Variants in PARP8 observed in about 807,000 individuals in gnomAD.
PARP8 encodes poly(ADP-ribose) polymerase family member 8.
In PARP8, 51 loss-of-function variants were observed where a neutral mutation model predicts 124.1. That is an observed-to-expected ratio of 0.41 (90% CI 0.33 to 0.52). The LOEUF is 0.52. PARP8 is among the 20% of genes least tolerant of loss of function. The pLI, the probability that PARP8 is intolerant of heterozygous loss-of-function variation, is 0.21. For synonymous variants in PARP8, 391 were observed against 361.5 expected (o/e 1.08, Z -0.93); for missense variants, 860 against 1,018.9 (o/e 0.84, Z 2.12).
chr5:50,734,413 G>C (rs1757283132), intron 2 of PARP8, among the ~76,000 whole-genome samples: 2 of 152,096 alleles, frequency 1.3e-5, no homozygotes, highest in South Asian at 2.1e-4. Flanking sequence ...GGCTGTCTCT[G>C]GAGAACTAAA....
chr5:50,741,767 G>A (rs553808680), intron 2 of PARP8: 3 of 416,156 alleles, frequency 7.2e-6, no homozygotes, highest in Non-Finnish European at 1.4e-5. Context: ...AGGGTAATAC[G>A]TAATTTATTT....
chr5:50,759,162 G>T (rs1218912088), intron 3 of PARP8, among the ~76,000 whole-genome samples: 1 of 151,950 alleles, frequency 6.6e-6, no homozygotes, highest in Admixed American at 6.6e-5. Flanking sequence ...CGAGTGACCC[G>T]CCTGCCTAGG....
Position 50,750,091 on chromosome 5 carries a change from T to TA in PARP8, c.147-59dup, listed in dbSNP as rs1759061449. On this transcript the variant is annotated intron_variant, in intron 2 of 25. Coordinates refer to ENST00000281631, the MANE Select transcript of PARP8 (RefSeq NM_024615.4). ...ACATGGGTTTGGTTTGTCTTTTTTT[T>TA]ATAAAAGCCTGTCTACCTTAGCAAT... is the stretch of plus-strand genomic sequence containing the variant. The TA allele has an allele frequency of 6.0e-6, 8 of 1,338,804 alleles. No homozygotes were observed. In the South Asian group the frequency reaches 6.1e-5, roughly 10 times the overall value. The allele number at this position is 1,338,804 out of a possible 1,614,324, so 82.9% of individuals were successfully genotyped here. A position where few individuals can be genotyped will look rare whatever the true frequency, so the allele number is the denominator to read the frequency against.
At chr5:50,667,726 C>G in intron 1 of PARP8, 1 of 701,590 alleles carries the variant, frequency 1.4e-6, no homozygotes, top group Non-Finnish European at 2.6e-6. Flanking sequence ...CCAAGGCACC[C>G]AGCGCCCCTG....
At chr5:50,701,859 A>G (rs1188353756) in intron 2 of PARP8, among the ~76,000 whole-genome samples, 1 of 152,152 alleles carries the variant, frequency 6.6e-6, no homozygotes, top group Non-Finnish European at 1.5e-5. Flanking sequence ...TTTCTTATTT[A>G]GAACCTAAGA....
chr5:50,699,258 C>T (rs112044113), intron 2 of PARP8, among the ~76,000 whole-genome samples: 4 of 152,238 alleles, frequency 2.6e-5, no homozygotes, highest in African/African-American at 9.6e-5. Flanking sequence ...AGAAGGGCCT[C>T]CAGCACTGGA....
intron 2 of PARP8, chr5:50,744,750 C>G: frequency 1.4e-6 from 1 of 701,640 alleles, no homozygotes; most frequent in Non-Finnish European, 2.6e-6. Context: ...TCAGAGCTTG[C>G]TCCAGGGATG....
chr5:50,794,211 A>T lies in PARP8; in HGVS notation c.742A>T (p.Met248Leu). The T allele has an allele frequency of 6.2e-7, 1 of 1,611,452 alleles. No individual in the cohort carries two copies. Among genetic ancestry groups the T allele is most frequent in the Non-Finnish European group, 8.5e-7 (1 of 1,178,552 alleles). Residue 248 changes from methionine (M) to leucine (L), a missense_variant, in exon 11 of 26, where the codon ATG becomes TTG. By Grantham distance (15) the Met-to-Leu change is conservative (BLOSUM62 2). Transcript: ENST00000281631. The part of the protein sequence containing the change: ...FGLGHQLKKI[M>L]QTFVTQQWKQ... ...GAATTACCTTTGGATTGACAGAATC[A>T]TGCAGACATTTGTTACACAGCAGTG...
At chr5:50,759,591 A>G (rs1658600364) in intron 3 of PARP8, 52 bp from the exon 4 acceptor site, 3 of 1,471,074 alleles carry the variant, frequency 2.0e-6, no homozygotes, top group Admixed American at 2.7e-5. Context: ...TTTGTAAAGG[A>G]TGTATTTTTT....
At chr5:50,784,368 A>G (rs1490657711) in intron 9 of PARP8, among the ~76,000 whole-genome samples, 1 of 152,182 alleles carries the variant, frequency 6.6e-6, no homozygotes, top group African/African-American at 2.4e-5. Context: ...TTAAATAAAG[A>G]TATGATATAA....
chr5:50,833,512 GA>G (rs201931532), intron 23 of PARP8: 14,422 of 266,206 alleles, frequency 0.054, 1 homozygote, highest in South Asian at 0.09. Flanking sequence ...TCTAATATCT[GA>G]AAAAAAAAAA....
chr5:50,735,134 G>A (rs1424387890), intron 2 of PARP8, among the ~76,000 whole-genome samples: 1 of 152,028 alleles, frequency 6.6e-6, no homozygotes, highest in Non-Finnish European at 1.5e-5. Flanking sequence ...GGATTCTGGT[G>A]TACTTTTGTT....
chr5:50,830,193 C>T (rs1408300739), intron 22 of PARP8, among the ~76,000 whole-genome samples: 4 of 151,992 alleles, frequency 2.6e-5, no homozygotes, highest in Non-Finnish European at 4.4e-5. Flanking sequence ...ATTTAATATT[C>T]CTTACATTTA....
intron 12 of PARP8, among the ~76,000 whole-genome samples, chr5:50,796,183 T>C (rs1378490346): frequency 6.6e-6 from 1 of 152,198 alleles, no homozygotes; most frequent in African/African-American, 2.4e-5. Flanking sequence ...TTCCTTTTGC[T>C]AAATATATAT....
intron 15 of PARP8, 30 bp from the exon 16 acceptor site, chr5:50,821,183 G>C (rs1745723315): frequency 6.2e-7 from 1 of 1,612,888 alleles, no homozygotes; most frequent in Non-Finnish European, 8.5e-7. Context: ...AACCTGAAGG[G>C]TAGTAACTAT....
At chr5:50,696,499 T>C (rs1205660621) in intron 2 of PARP8, among the ~76,000 whole-genome samples, 2 of 152,188 alleles carry the variant, frequency 1.3e-5, no homozygotes, top group Non-Finnish European at 2.9e-5. Context: ...TTATATTATC[T>C]AAATACGAAG....
intron 9 of PARP8, among the ~76,000 whole-genome samples, chr5:50,782,189 C>T (rs1740747699): frequency 6.6e-6 from 1 of 152,206 alleles, no homozygotes; most frequent in African/African-American, 2.4e-5. Flanking sequence ...GAGACTTTTG[C>T]ATCCATCCTG....
chr5:50,816,127 C>A (rs1345758752), intron 15 of PARP8, among the ~76,000 whole-genome samples: 1 of 151,962 alleles, frequency 6.6e-6, no homozygotes, highest in African/African-American at 2.4e-5. Flanking sequence ...ATATGCAGTG[C>A]TATAACGTTT....
chr5:50,836,270 T>C (rs1030109694), intron 25 of PARP8, among the ~76,000 whole-genome samples: 7 of 152,144 alleles, frequency 4.6e-5, no homozygotes, highest in African/African-American at 1.7e-4. Context: ...GAATAGTAAT[T>C]AGTAAGATGA....
Sources: allele counts gnomAD v4.1 joint callset (sites outside exome capture counted in the v4.1 genomes callset), GRCh38; gene constraint gnomAD v4.1.1; transcripts MANE v1.5; gene names NCBI Gene and HGNC (gene_info 2026-07-23, HGNC 2026-07-21).